Variants in CCDC175 observed in about 807,000 individuals in gnomAD.
The protein encoded by CCDC175 is coiled-coil domain containing 175.
A neutral mutation model predicts 114.6 loss-of-function variants in CCDC175; 100 were observed. That is an observed-to-expected ratio of 0.87 (90% confidence interval 0.74 to 1.03). The LOEUF is 1.03. Among genes scored for constraint, CCDC175 ranks in the 50% least tolerant of loss-of-function variants. The probability of loss-of-function intolerance (pLI) is 0.00; values close to 1 mark genes in which losing one functional copy is unlikely to be tolerated. For missense variants in CCDC175, 880 were observed against 917.8 expected (o/e 0.96, Z 0.53); for synonymous variants, 306 against 308.7 (o/e 0.99, Z 0.09).
chr14:59,525,279 T>C lies in CCDC175; in HGVS notation c.1995+3A>G. 1 of 1,441,502 alleles carries C rather than the reference T, an allele frequency of 6.9e-7. No individual in the cohort carries two copies. Among genetic ancestry groups the C allele is most frequent in the Non-Finnish European group, 9.0e-7 (1 of 1,106,508 alleles). 89.3% of individuals were successfully genotyped at this position (1,441,502 alleles called of 1,614,324 possible). ...ATGAAAAGGATGGTGCTCTTAAACT[T>C]ACTTCTTTTAATTTTTTATTTTCCA... On this transcript the variant is annotated splice_donor_region_variant and intron_variant, in intron 16 of 19. Transcript: ENST00000537690.
intron 6 of CCDC175, 110 bp downstream of exon 6, chr14:59,563,627 G>T: frequency 1.6e-6 from 1 of 626,560 alleles, no homozygotes; most frequent in Non-Finnish European, 2.3e-6. Flanking sequence ...AAATGTTAAC[G>T]TGCAGAAAAC....
chr14:59,545,303 G>A lies in CCDC175; in HGVS notation c.1036-4C>T. Reference sequence around the variant, plus strand: ...CAGCATGCAGTGTTTCAACCAGCTAGAGAAAAACAAAGGAGGTGAATGAGA... The same window carrying A: ...CAGCATGCAGTGTTTCAACCAGCTAAAGAAAAACAAAGGAGGTGAATGAGA... On this transcript the variant is annotated splice_region_variant and splice_polypyrimidine_tract_variant and intron_variant, in intron 8 of 19. Transcript: ENST00000537690. 6.5e-7 allele frequency: 1 copy of A among 1,535,560 alleles called. No individual in the cohort carries two copies. The highest frequency in any genetic ancestry group is 8.7e-7 in the Non-Finnish European group (1 of 1,146,316).
Position 59,521,664 on chromosome 14 carries a change from A to C in CCDC175, c.2008T>G (p.Leu670Val). The change falls in exon 17 of 20, where the codon TTG becomes GTG. Residue 670 changes from leucine to valine, a missense_variant. Physicochemically the swap from Leu to Val is conservative, Grantham distance 32. Transcript: ENST00000537690. ...NKKLKEYILY[L>V]KNNIEKYREG... Reference sequence around the variant, plus strand: ...CTGTATTTCTCTATGTTATTCTTCAAGTATAAAATATACTGAAAATTAAAA... The same window carrying C: ...CTGTATTTCTCTATGTTATTCTTCACGTATAAAATATACTGAAAATTAAAA... 6.6e-7 allele frequency: 1 copy of C among 1,508,402 alleles called. No individual in the cohort carries two copies. Among genetic ancestry groups the C allele is most frequent in the Non-Finnish European group, 8.9e-7 (1 of 1,120,932 alleles). 93.4% of individuals were successfully genotyped at this position (1,508,402 alleles called of 1,614,324 possible). A position where few individuals can be genotyped will look rare whatever the true frequency, so the allele number is the denominator to read the frequency against.
rs906470021 is a variant in CCDC175 at position 59,550,494 on chromosome 14, A to G, written c.1035+861T>C. Among the ~76,000 whole-genome samples the G allele has an allele frequency of 2.0e-5, 3 of 152,178 alleles. No individual in the cohort carries two copies. In the East Asian group the frequency reaches 5.8e-4, roughly 29 times the overall value. On this transcript the variant is annotated intron_variant, in intron 8 of 19. Coordinates refer to ENST00000537690, the MANE Select transcript of CCDC175 (RefSeq NM_001164399.2). ...CTCAAATACTTCTAAATAAGTATTT[A>G]GAATATTATATTATAATATGTGTAT...
chr14:59,543,170 C>T (rs1894891839), intron 10 of CCDC175, among the ~76,000 whole-genome samples, 174 bp downstream of exon 10: 1 of 152,112 alleles, frequency 6.6e-6, no homozygotes, highest in Admixed American at 6.6e-5. Flanking sequence ...CCTGTTTATC[C>T]TTTCAATGAA....
intron 12 of CCDC175, among the ~76,000 whole-genome samples, 197 bp downstream of exon 12, chr14:59,538,508 A>G (rs975886373): frequency 6.6e-6 from 1 of 152,236 alleles, no homozygotes; most frequent in East Asian, 1.9e-4. Flanking sequence ...AGCATATTCT[A>G]CTGTATTTGC....
At chr14:59,567,265 T>C (rs1896609405) in intron 4 of CCDC175, among the ~76,000 whole-genome samples, 1 of 152,204 alleles carries the variant, frequency 6.6e-6, no homozygotes, top group African/African-American at 2.4e-5. Context: ...GATTAGAGTA[T>C]GTGGTATTTC....
chr14:59,552,087 A>C (rs1272010651), intron 7 of CCDC175, among the ~76,000 whole-genome samples: 3 of 152,244 alleles, frequency 2.0e-5, no homozygotes, highest in African/African-American at 7.2e-5. Context: ...CTGCAGATTT[A>C]AACGTCCATG....
intron 4 of CCDC175, 138 bp from the exon 5 acceptor site, chr14:59,565,413 C>T (rs1896477626): frequency 1.2e-6 from 1 of 803,858 alleles, no homozygotes; most frequent in Non-Finnish European, 1.9e-6. Flanking sequence ...ATTGTCTAAA[C>T]TTGGTTGAAG....
At chr14:59,548,908 T>C (rs905408565) in intron 8 of CCDC175, among the ~76,000 whole-genome samples, 1 of 152,094 alleles carries the variant, frequency 6.6e-6, no homozygotes, top group Non-Finnish European at 1.5e-5. Flanking sequence ...CAGAGGCAGA[T>C]ATTATGCTTT....
At chr14:59,538,232 T>C (rs1894531933) in intron 12 of CCDC175, 78 bp from the exon 13 acceptor site, 1 of 1,255,572 alleles carries the variant, frequency 8.0e-7, no homozygotes, top group African/African-American at 1.5e-5. Context: ...AGGAAATTAA[T>C]ATCTCTTTGC....
At chr14:59,546,790 T>A (rs779097124) in intron 8 of CCDC175, among the ~76,000 whole-genome samples, 3 of 152,078 alleles carry the variant, frequency 2.0e-5, no homozygotes, top group Non-Finnish European at 2.9e-5. Context: ...TGAGCCATGA[T>A]CATACCACTG....
intron 14 of CCDC175, among the ~76,000 whole-genome samples, chr14:59,531,290 C>T (rs765756741): frequency 6.6e-6 from 1 of 151,978 alleles, no homozygotes; most frequent in Non-Finnish European, 1.5e-5. Context: ...TATTTCACGT[C>T]CTCTACTAAC....
chr14:59,538,088 T>C lies in CCDC175; in HGVS notation c.1558A>G (p.Lys520Glu), dbSNP rs763468418. ...TTAACAAATGCTTTCTCCTCTTCTT[T>C]TAATTCTGTTGTAAGTTTTTCAATC... ...AQIEKLTTEL[K>E]EEEKAFVNKE... Residue 520 changes from lysine to glutamate, a missense_variant, in exon 13 of 20, where the codon AAA (lysine) becomes GAA (glutamate). Coordinates refer to ENST00000537690, the MANE Select transcript of CCDC175 (RefSeq NM_001164399.2). The C allele has an allele frequency of 1.6e-4, 248 of 1,533,106 alleles. No homozygotes were observed. Among genetic ancestry groups the C allele is most frequent in the Non-Finnish European group, 2.1e-4 (240 of 1,143,392 alleles). 95.0% of individuals were successfully genotyped at this position (1,533,106 alleles called of 1,614,324 possible).
intron 8 of CCDC175, among the ~76,000 whole-genome samples, chr14:59,548,393 C>A (rs759234929): frequency 1.6e-4 from 25 of 152,086 alleles, no homozygotes; most frequent in Non-Finnish European, 2.9e-4. Flanking sequence ...GATTGGATGT[C>A]ACTAAGAGCC....
At chr14:59,548,669 T>C (rs994881639) in intron 8 of CCDC175, among the ~76,000 whole-genome samples, 2 of 152,180 alleles carry the variant, frequency 1.3e-5, no homozygotes, top group Non-Finnish European at 2.9e-5. Flanking sequence ...GCTCACAAAA[T>C]GAAAGACAAA....
intron 6 of CCDC175, among the ~76,000 whole-genome samples, chr14:59,563,065 T>C (rs1212519814): frequency 6.6e-6 from 1 of 152,188 alleles, no homozygotes; most frequent in Non-Finnish European, 1.5e-5. Flanking sequence ...AAAGATTCAT[T>C]AGTTCAATTA....
At position 59,538,610 on chromosome 14, in the gene CCDC175, T is replaced by C; in HGVS notation, c.1491+95A>G. On this transcript the variant is annotated intron_variant, in intron 12 of 19. Transcript: ENST00000537690. ...AACATGAAATCAGCAGAAAGGAAAA[T>C]ACTTTTTAATAAGATAGGATTTAAT... 2.8e-6 allele frequency: 3 copies of C among 1,069,488 alleles called. No individual in the cohort carries two copies. In the South Asian group the frequency reaches 6.0e-5, roughly 21 times the overall value. 66.2% of individuals were successfully genotyped at this position (1,069,488 alleles called of 1,614,324 possible).
intron 7 of CCDC175, among the ~76,000 whole-genome samples, chr14:59,556,331 G>T (rs573815243): frequency 1.1e-3 from 162 of 152,248 alleles, no homozygotes; most frequent in Middle Eastern, 6.8e-3. Context: ...TCTAATCTTT[G>T]ACAAACCTGA....
Sources: gnomAD v4.1 joint callset for allele counts (sites outside exome capture counted in the v4.1 genomes callset) on GRCh38, gnomAD v4.1.1 for gene constraint, MANE v1.5 for transcripts, NCBI Gene and HGNC (gene_info 2026-07-23, HGNC 2026-07-21) for gene names.